Variants in FNBP1 observed in about 807,000 individuals in gnomAD.
The protein encoded by FNBP1 is formin-binding protein 1.
Under a neutral mutation model 90.6 loss-of-function variants are expected in FNBP1, and 26 were observed. The observed-to-expected ratio is 0.29, with a 90% CI of 0.21 to 0.40. FNBP1 has a LOEUF of 0.40. Among genes scored for constraint, FNBP1 ranks in the 10% least tolerant of loss-of-function variants. The probability of loss-of-function intolerance (pLI) is 1.00; values close to 1 mark genes in which losing one functional copy is unlikely to be tolerated. For synonymous variants in FNBP1, 260 were observed against 265.2 expected, an observed-to-expected ratio of 0.98 and a Z score of 0.19; for missense variants, 635 against 768.0, an observed-to-expected ratio of 0.83 and a Z score of 2.05.
At chr9:129,923,727 C>CT in intron 10 of FNBP1, 117 bp downstream of exon 10, 3 of 810,602 alleles carry the variant, frequency 3.7e-6, no homozygotes, top group African/African-American at 2.0e-5. Flanking sequence ...TTTTTTTTAA[C>CT]TTTTTTATAT....
chr9:129,990,940 T>G (rs1421447977), intron 2 of FNBP1, among the ~76,000 whole-genome samples: 5 of 150,578 alleles, frequency 3.3e-5, no homozygotes, highest in Non-Finnish European at 7.4e-5. Context: ...GGGTTTTTTT[T>G]TTTTTTTTTT....
At chr9:129,902,633 G>C (rs1425711731) in intron 13 of FNBP1, among the ~76,000 whole-genome samples, 1 of 152,102 alleles carries the variant, frequency 6.6e-6, no homozygotes, top group Non-Finnish European at 1.5e-5. Context: ...ACCGTATACA[G>C]ATACAACATT....
chr9:129,977,525 CTT>C (rs1354609863), intron 4 of FNBP1, among the ~76,000 whole-genome samples: 5 of 145,640 alleles, frequency 3.4e-5, no homozygotes, highest in South Asian at 2.2e-4. Context: ...GAGTTTTGCT[CTT>C]GTCACCCAGG....
Position 129,900,852 on chromosome 9 carries a change from G to A in FNBP1, c.1429-305C>T, listed in dbSNP as rs1030086053. ...CCACGATGGGGCAGAAAGCACACTG[G>A]ACTATGCTATCCCCTTGGGCTTTTA... On this transcript the variant is annotated intron_variant, in intron 13 of 16. Transcript: ENST00000446176. The surrounding 1 kb of genome is among the most constrained non-coding windows in gnomAD (Gnocchi z 4.1). 1.3e-5 allele frequency among the ~76,000 whole-genome samples: 2 copies of A among 152,246 alleles called. No individual in the cohort carries two copies. Among genetic ancestry groups the A allele is most frequent in the Admixed American group, 6.5e-5 (1 of 15,284 alleles).
In FNBP1 at chr9:130,012,787, G is replaced by A. The variant is rs368555730; in HGVS notation, c.25-17829C>T. On this transcript the variant is annotated intron_variant, in intron 1 of 16. Transcript: ENST00000446176. ...CCCAAGTAGCTGAGAATACAGGCGC[G>A]TGCCACCACACCAGGCTAATTTTTT... is the stretch of plus-strand genomic sequence containing the variant. 7.2e-5 allele frequency among the ~76,000 whole-genome samples: 11 copies of A among 152,108 alleles called. No individual in the cohort carries two copies. In the East Asian group the frequency reaches 1.7e-3, roughly 24 times the overall value.
intron 6 of FNBP1, among the ~76,000 whole-genome samples, chr9:129,941,864 A>C (rs1195832587): frequency 6.6e-6 from 1 of 152,168 alleles, no homozygotes; most frequent in Non-Finnish European, 1.5e-5. Flanking sequence ...TGAGGTCAGG[A>C]GTTCAAGACC....
chr9:129,958,217 A>G (rs1370301282), intron 5 of FNBP1, among the ~76,000 whole-genome samples: 2 of 152,118 alleles, frequency 1.3e-5, no homozygotes, highest in Non-Finnish European at 2.9e-5. Context: ...GAATCACTTC[A>G]GGGCAGGAGT....
intron 6 of FNBP1, among the ~76,000 whole-genome samples, chr9:129,947,983 T>TAAA (rs1564404539): frequency 7.0e-6 from 1 of 143,168 alleles, no homozygotes. Context: ...TCCCTTAAAT[T>TAAA]TAAAAAAAAA....
At chr9:129,893,166 T>C (rs1329005776) in intron 16 of FNBP1, among the ~76,000 whole-genome samples, 1 of 152,154 alleles carries the variant, frequency 6.6e-6, no homozygotes, top group Non-Finnish European at 1.5e-5. Flanking sequence ...ACTTGTTTAC[T>C]GGGTAAAGCT....
rs753987401 is a variant in FNBP1 at position 129,889,081 on chromosome 9, C to CGGG, written c.*1455_*1457dup. 663 of 40,262 alleles carry CGGG rather than the reference C, an allele frequency of 0.016. 3 individuals are homozygous for CGGG. Among genetic ancestry groups the CGGG allele is most frequent in the Middle Eastern group, 0.041 (6 of 148 alleles). 2.5% of individuals were successfully genotyped at this position (40,262 alleles called of 1,614,324 possible). On this transcript the variant is annotated 3_prime_UTR_variant, in exon 17 of 17. Transcript: ENST00000446176. The stretch of plus-strand genomic sequence containing the variant: ...GGGGCTGCTCTGCTCTAAGGCGTGG[C>CGGG]GGGGGGGGGGGGTGGTGGCCACAGA...
chr9:129,930,430 C>T (rs1564360944), intron 6 of FNBP1, among the ~76,000 whole-genome samples: 1 of 152,134 alleles, frequency 6.6e-6, no homozygotes, highest in Non-Finnish European at 1.5e-5. Flanking sequence ...ATATGAACCA[C>T]TGACCTAAGG....
In FNBP1 at chr9:129,978,558, T is replaced by C. The variant is rs2050706079; in HGVS notation, c.252A>G (p.Ala84=). 2 of 1,613,758 alleles carry C rather than the reference T, an allele frequency of 1.2e-6. No homozygotes were observed. Among genetic ancestry groups the C allele is most frequent in the East Asian group, 2.2e-5 (1 of 44,894 alleles). The change falls in exon 4 of 17, where the codon GCA becomes GCG. Residue 84 remains alanine, a synonymous_variant. Transcript: ENST00000446176. ...ISNLNEMNDY[A]GQHEVISENM... is the part of the protein sequence containing the mutation. ...TCTCGGAGATAACTTCATGCTGCCCTGCGTAATCATTCATTTCGTTCAGGT... is the reference window on the plus strand; with the variant it reads ...TCTCGGAGATAACTTCATGCTGCCCCGCGTAATCATTCATTTCGTTCAGGT...
chr9:129,952,549 G>C (rs947921920), intron 6 of FNBP1, among the ~76,000 whole-genome samples: 1 of 152,080 alleles, frequency 6.6e-6, no homozygotes, highest in Non-Finnish European at 1.5e-5. Flanking sequence ...ATTTGCAAAA[G>C]ACACATGTAA....
intron 6 of FNBP1, among the ~76,000 whole-genome samples, chr9:129,936,907 C>T (rs1244325684): frequency 6.6e-6 from 1 of 152,124 alleles, no homozygotes; most frequent in African/African-American, 2.4e-5. Flanking sequence ...CGGTGGCTCA[C>T]GCCTGTAATC....
At chr9:130,024,032 G>C (rs1035757900) in intron 1 of FNBP1, among the ~76,000 whole-genome samples, 1 of 152,070 alleles carries the variant, frequency 6.6e-6, no homozygotes, top group African/African-American at 2.4e-5. Context: ...GCTTACATTT[G>C]CCGTCATTTA....
In FNBP1 at chr9:130,009,968, G is replaced by A. The variant is rs1012102039; in HGVS notation, c.25-15010C>T. On this transcript the variant is annotated intron_variant, in intron 1 of 16. Coordinates refer to ENST00000446176, the MANE Select transcript of FNBP1 (RefSeq NM_015033.3). ...TACTCCAGCCTGGGTGACAGAGCAA[G>A]ACCCAGTCTCAAAAAAAAAAAAAAA... Among the ~76,000 whole-genome samples, 20 of 130,344 alleles carry A rather than the reference G, an allele frequency of 1.5e-4. No individual in the cohort carries two copies. The Admixed American group carries it at 1.7e-3, about 11-fold the overall frequency. The allele number at this position is 130,344 out of a possible 152,430, so 85.5% of individuals were successfully genotyped here. A position where few individuals can be genotyped will look rare whatever the true frequency, so the allele number is the denominator to read the frequency against.
chr9:129,929,614 G>C lies in FNBP1; in HGVS notation c.595C>G (p.His199Asp), dbSNP rs1588628569. The C allele has an allele frequency of 6.2e-7, 1 of 1,613,566 alleles. No individual in the cohort carries two copies. The highest frequency in any genetic ancestry group is 8.5e-7 in the Non-Finnish European group (1 of 1,179,646). The change falls in exon 7 of 17, where the codon CAT becomes GAT. Residue 199 changes from histidine (H) to aspartate (D), a missense_variant. By Grantham distance (81) the His-to-Asp change is moderately conservative. Coordinates refer to ENST00000446176, the MANE Select transcript of FNBP1 (RefSeq NM_015033.3). ...DYSSILQKFNHEQHEYYHTHI... is the reference protein window; with the variant it reads ...DYSSILQKFNDEQHEYYHTHI... ...GTATGGTAATATTCATGCTGCTCAT[G>C]GTTGAATTTCTGGAGAATGGATGAG...
At chr9:129,993,248 A>G (rs2053487328) in intron 2 of FNBP1, among the ~76,000 whole-genome samples, 1 of 151,546 alleles carries the variant, frequency 6.6e-6, no homozygotes. Context: ...AAATTAAAGA[A>G]AAAGGAAAGT....
chr9:129,906,971 G>C (rs2038190298), intron 12 of FNBP1, among the ~76,000 whole-genome samples: 1 of 151,942 alleles, frequency 6.6e-6, no homozygotes, highest in Non-Finnish European at 1.5e-5. Context: ...GTAGAGATGG[G>C]GTTTCACCAT....
Sources: allele counts gnomAD v4.1 joint callset (sites outside exome capture counted in the v4.1 genomes callset), GRCh38; gene constraint gnomAD v4.1.1; non-coding constraint Gnocchi (gnomAD v3.1); transcripts MANE v1.5; gene names NCBI Gene and HGNC (gene_info 2026-07-23, HGNC 2026-07-21).